SPAG16: variants seen among roughly 807,000 people sequenced by gnomAD.
SPAG16 encodes sperm-associated antigen 16 protein.
In SPAG16, 86 loss-of-function variants were observed where a neutral mutation model predicts 80.4. The observed-to-expected ratio is 1.07, with a 90% CI of 0.90 to 1.28. SPAG16 has a LOEUF of 1.28. Ranked by LOEUF, SPAG16 falls within the 50% of genes most tolerant of loss-of-function variation. The probability of loss-of-function intolerance (pLI) is 0.00; values close to 1 mark genes in which losing one functional copy is unlikely to be tolerated. For synonymous variants in SPAG16, 294 were observed against 265.9 expected (o/e 1.11, Z -1.03); for missense variants, 870 against 765.3 (o/e 1.14, Z -1.61).
intron 10 of SPAG16, among the ~76,000 whole-genome samples, chr2:213,817,738 T>A (rs1308153390): frequency 6.6e-6 from 1 of 152,114 alleles, no homozygotes; most frequent in Non-Finnish European, 1.5e-5. Flanking sequence ...AAATACCACA[T>A]GTTCTCACTT....
At chr2:213,540,028 A>AGTTTTTT (rs1559234806) in intron 10 of SPAG16, among the ~76,000 whole-genome samples, 4 of 130,514 alleles carry the variant, frequency 3.1e-5, no homozygotes, top group African/African-American at 8.0e-5. Context: ...TATATTTCTT[A>AGTTTTTT]ATTTTTTTTT....
intron 10 of SPAG16, among the ~76,000 whole-genome samples, chr2:213,602,619 C>T (rs1023287537): frequency 6.6e-5 from 10 of 152,168 alleles, no homozygotes; most frequent in Admixed American, 2.6e-4. Context: ...GGCAACAGAG[C>T]GAGACTCCGT....
intron 10 of SPAG16, among the ~76,000 whole-genome samples, chr2:213,613,791 C>T (rs1296441345): frequency 4.6e-5 from 7 of 152,148 alleles, no homozygotes. Context: ...AGATGCTAAG[C>T]AGTATCTTGT....
intron 9 of SPAG16, among the ~76,000 whole-genome samples, chr2:213,397,103 A>G (rs973796277): frequency 2.0e-5 from 3 of 152,208 alleles, no homozygotes; most frequent in African/African-American, 4.8e-5. Context: ...TGTTTTAACA[A>G]TCAACTCTTT....
chr2:213,313,587 C>T (rs1416430646), intron 4 of SPAG16, among the ~76,000 whole-genome samples: 3 of 151,778 alleles, frequency 2.0e-5, no homozygotes, highest in Non-Finnish European at 2.9e-5. Context: ...GACCAGTCTC[C>T]TAACCACAGG....
At chr2:214,332,296 G>A (rs1268867217) in intron 15 of SPAG16, among the ~76,000 whole-genome samples, 1 of 152,182 alleles carries the variant, frequency 6.6e-6, no homozygotes. Context: ...ATGTTGCTTT[G>A]TGGAATTCTT....
At chr2:213,379,166 G>A (rs1261677434) in intron 9 of SPAG16, among the ~76,000 whole-genome samples, 3 of 152,196 alleles carry the variant, frequency 2.0e-5, no homozygotes, top group Non-Finnish European at 4.4e-5. Flanking sequence ...GGAACAGGAA[G>A]CAAGAATTTT....
intron 12 of SPAG16, among the ~76,000 whole-genome samples, chr2:213,979,429 A>C (rs1413774182): frequency 1.3e-5 from 2 of 152,096 alleles, no homozygotes; most frequent in African/African-American, 4.8e-5. Flanking sequence ...TTTATAAAGG[A>C]AAGATGTTTA....
chr2:213,994,187 CTGTT>C (rs1559670380), intron 12 of SPAG16, among the ~76,000 whole-genome samples: 1 of 151,960 alleles, frequency 6.6e-6, no homozygotes, highest in Non-Finnish European at 1.5e-5. Flanking sequence ...AATTAGTTCA[CTGTT>C]TGTGTGATTT....
intron 13 of SPAG16, among the ~76,000 whole-genome samples, chr2:214,057,093 A>T (rs1004834597): frequency 6.6e-6 from 1 of 152,076 alleles, no homozygotes; most frequent in Non-Finnish European, 1.5e-5. Context: ...GTTGGAATAA[A>T]TTCCTTCCAA....
intron 15 of SPAG16, among the ~76,000 whole-genome samples, chr2:214,298,129 C>T (rs563192175): frequency 0.01 from 684 of 65,666 alleles, 6 homozygotes; most frequent in African/African-American, 0.031. Flanking sequence ...CACACACACA[C>T]ACACATACAC....
chr2:213,920,059 CTCTA>C (rs1487519824), intron 11 of SPAG16, among the ~76,000 whole-genome samples: 2 of 151,914 alleles, frequency 1.3e-5, no homozygotes, highest in East Asian at 1.9e-4. Flanking sequence ...CTTTTTTCGT[CTCTA>C]TCTGTTTAAA....
intron 13 of SPAG16, among the ~76,000 whole-genome samples, chr2:214,073,921 T>C (rs1177870313): frequency 6.6e-6 from 1 of 152,162 alleles, no homozygotes; most frequent in Non-Finnish European, 1.5e-5. Flanking sequence ...TCAACAGAAG[T>C]TACACTGTAA....
intron 9 of SPAG16, among the ~76,000 whole-genome samples, chr2:213,457,577 C>T (rs552854998): frequency 3.0e-4 from 45 of 152,106 alleles, no homozygotes; most frequent in African/African-American, 1.1e-3. Context: ...TCATGGGTGT[C>T]CCTTTTCTTT....
chr2:213,832,401 C>G (rs2073722685), intron 10 of SPAG16, among the ~76,000 whole-genome samples: 1 of 152,114 alleles, frequency 6.6e-6, no homozygotes, highest in Non-Finnish European at 1.5e-5. Flanking sequence ...GAATCAATGT[C>G]TTTCTGACTT....
At chr2:214,309,624 G>C (rs571867415) in intron 15 of SPAG16, among the ~76,000 whole-genome samples, 1 of 152,222 alleles carries the variant, frequency 6.6e-6, no homozygotes, top group Non-Finnish European at 1.5e-5. Flanking sequence ...ATAAGGTGGA[G>C]TCAGCTGACT....
At chr2:214,182,888 A>G (rs2057351011) in intron 15 of SPAG16, among the ~76,000 whole-genome samples, 1 of 151,890 alleles carries the variant, frequency 6.6e-6, no homozygotes, top group Non-Finnish European at 1.5e-5. Context: ...CATACACTTT[A>G]AATTTTATTT....
intron 15 of SPAG16, among the ~76,000 whole-genome samples, chr2:214,234,631 T>C (rs1208702516): frequency 6.6e-6 from 1 of 152,180 alleles, no homozygotes; most frequent in Non-Finnish European, 1.5e-5. Context: ...TGCATTTCTC[T>C]AATCATCAGT....
intron 10 of SPAG16, among the ~76,000 whole-genome samples, chr2:213,759,652 T>G (rs1282287576): frequency 1.3e-5 from 2 of 150,246 alleles, no homozygotes; most frequent in Admixed American, 6.6e-5. Context: ...AGAAAGAAAT[T>G]TAAGCAAATC....
Sources: allele counts gnomAD v4.1 joint callset (sites outside exome capture counted in the v4.1 genomes callset), GRCh38; gene constraint gnomAD v4.1.1; transcripts MANE v1.5; gene names NCBI Gene and HGNC (gene_info 2026-07-23, HGNC 2026-07-21).